FKBP11: variants seen among roughly 807,000 people sequenced by gnomAD.
FKBP11 encodes the protein peptidyl-prolyl cis-trans isomerase FKBP11.
In FKBP11, 21 loss-of-function variants were observed where a neutral mutation model predicts 24.7. The ratio of observed to expected loss-of-function variants is 0.85; its 90% confidence interval spans 0.60 to 1.23. FKBP11 has a LOEUF of 1.23. FKBP11 is among the 50% of genes most tolerant of loss of function. The pLI is 0.00. For synonymous variants in FKBP11, 106 were observed against 100.6 expected (o/e 1.05, Z -0.32); for missense variants, 245 against 248.7 (o/e 0.99, Z 0.10).
chr12:48,929,013 TG>T (rs1940016787), upstream of FKBP11, among the ~76,000 whole-genome samples: 1 of 141,494 alleles, frequency 7.1e-6, no homozygotes, highest in Non-Finnish European at 1.6e-5. Flanking sequence ...TTTTTTTTAG[TG>T]GAGACGGGGT....
upstream of FKBP11, among the ~76,000 whole-genome samples, chr12:48,929,455 A>C (rs12423542): frequency 0.33 from 49,466 of 151,826 alleles, 9,097 homozygotes; most frequent in Admixed American, 0.47. Context: ...AAAAATAATA[A>C]GCCCCTGATC....
chr12:48,938,567 GAAGGGCT>G, the FKBP11 span: 1 of 460,336 alleles, frequency 2.2e-6, no homozygotes, highest in East Asian at 6.8e-5. Flanking sequence ...ACAGGGAGTA[GAAGGGCT>G]TGTGGGGACA....
chr12:48,932,257 A>ATT, the FKBP11 span, among the ~76,000 whole-genome samples: 8 of 37,520 alleles, frequency 2.1e-4, no homozygotes, highest in African/African-American at 8.7e-4. Flanking sequence ...ATATATATAT[A>ATT]TATATTTTTT....
At chr12:48,924,877 A>T in intron 2 of FKBP11, 169 bp downstream of exon 2, 8 of 1,443,598 alleles carry the variant, frequency 5.5e-6, no homozygotes, top group Non-Finnish European at 7.2e-6. Flanking sequence ...GCAAGGAGGG[A>T]AAAGAGGCAC....
intron 2 of FKBP11, 106 bp downstream of exon 2, chr12:48,924,940 A>C: frequency 2.1e-6 from 3 of 1,454,240 alleles, no homozygotes; most frequent in Non-Finnish European, 1.8e-6. Context: ...CAGAGCCCCG[A>C]GTTTCTTCTC....
At chr12:48,934,700 T>C in the FKBP11 span, among the ~76,000 whole-genome samples, 1 of 152,186 alleles carries the variant, frequency 6.6e-6, no homozygotes, top group South Asian at 2.1e-4. Context: ...CTCTGAAAGA[T>C]ATCTATTTGC....
In FKBP11 at chr12:48,923,822, G is replaced by A; in HGVS notation, c.348C>T (p.His116=). The change falls in exon 5 of 6, where the codon CAC becomes CAT. Residue 116 remains histidine (H), a synonymous_variant. Transcript: ENST00000550765. ...GEKRRAIIPS[H]LAYGKRGFPP... is the part of the protein sequence containing the mutation. ...GAAATCCCCGTTTTCCATAGGCCAA[G>A]TGAGAAGGAATGATTGCCCTTCGCT... is the stretch of plus-strand genomic sequence containing the variant. The A allele has an allele frequency of 6.2e-7, 1 of 1,614,152 alleles. No individual in the cohort carries two copies. The highest frequency in any genetic ancestry group is 8.5e-7 in the Non-Finnish European group (1 of 1,180,014).
At chr12:48,938,593 A>G in the FKBP11 span, 1 of 457,572 alleles carries the variant, frequency 2.2e-6, no homozygotes, top group Non-Finnish European at 4.4e-6. Context: ...CAGGGAAAGG[A>G]CTCAGATGCC....
intron 5 of FKBP11, chr12:48,923,216 T>C: frequency 7.9e-7 from 1 of 1,268,988 alleles, no homozygotes. Flanking sequence ...AATAGAACAT[T>C]TGTTAGAACT....
At chr12:48,927,963 G>A (rs1940000881), upstream of FKBP11, among the ~76,000 whole-genome samples, 2 of 150,624 alleles carry the variant, frequency 1.3e-5, no homozygotes, top group African/African-American at 4.9e-5. Context: ...GTGCAGTAGT[G>A]AGAAGGGGGA....
chr12:48,938,371 C>T, the FKBP11 span: 1 of 454,212 alleles, frequency 2.2e-6, no homozygotes, highest in Non-Finnish European at 4.4e-6. Flanking sequence ...GGGCAGATGA[C>T]AGGCTCCAGT....
intron 5 of FKBP11, chr12:48,922,646 C>T (rs951297040): frequency 2.0e-6 from 2 of 994,330 alleles, no homozygotes; most frequent in Non-Finnish European, 2.4e-6. Flanking sequence ...TATGAGATAA[C>T]AGGAGTTTCA....
At chr12:48,925,164 C>A in intron 1 of FKBP11, 53 bp from the exon 2 acceptor site, 1 of 1,601,082 alleles carries the variant, frequency 6.2e-7, no homozygotes, top group Non-Finnish European at 8.5e-7. Flanking sequence ...CCCGTTCTCG[C>A]CCCTAGACCC....
intron 5 of FKBP11, chr12:48,922,773 T>G: frequency 1.0e-6 from 1 of 1,000,994 alleles, no homozygotes. Context: ...AATGGGGAGG[T>G]AATAGGGCTT....
At chr12:48,932,255 ATATATATTTTTTTTTTTTT>A in the FKBP11 span, among the ~76,000 whole-genome samples, 2 of 37,594 alleles carry the variant, frequency 5.3e-5, no homozygotes, top group African/African-American at 2.1e-4. Context: ...ATATATATAT[ATATATATTTTTTTTTTTTT>A]TTTTTTTTTT....
chr12:48,922,115 G>A lies in FKBP11; in HGVS notation c.475C>T (p.Leu159=), dbSNP rs1939850490. ...GCTGGCACCATGGCCATCCCTACCA[G>A]AGGCAAAATGCCCTTCACCAGCTTT... ...WLKLVKGILP[L]VGMAMVPALL... is the part of the protein sequence containing the mutation. Residue 159 remains leucine, a synonymous_variant, in exon 6 of 6, where the codon CTG becomes TTG. Transcript: ENST00000550765. 2 of 1,614,058 alleles carry A rather than the reference G, an allele frequency of 1.2e-6. No individual in the cohort carries two copies. The highest frequency in any genetic ancestry group is 1.7e-6 in the Non-Finnish European group (2 of 1,180,032).
upstream of FKBP11, among the ~76,000 whole-genome samples, chr12:48,927,740 G>A (rs1161725550): frequency 1.3e-5 from 2 of 152,148 alleles, no homozygotes; most frequent in Admixed American, 6.6e-5. Flanking sequence ...GAATGCAGAT[G>A]AGATGAATTA....
chr12:48,929,920 T>G (rs1430718507), upstream of FKBP11, among the ~76,000 whole-genome samples: 1 of 152,166 alleles, frequency 6.6e-6, no homozygotes, highest in East Asian at 1.9e-4. Flanking sequence ...GAAGTCCTGA[T>G]TCTCTTAGCT....
In FKBP11 at chr12:48,922,216, G is replaced by A. The variant is rs765206071; in HGVS notation, c.389-15C>T. The A allele has an allele frequency of 5.0e-6, 8 of 1,605,170 alleles. No homozygotes were observed. Among genetic ancestry groups the A allele is most frequent in the Non-Finnish European group, 6.0e-6 (7 of 1,173,306 alleles). ...CACTGCATCCGCTGGAGAGGCAGAG[G>A]GGTGGAGAGGGTTAGACTCTCTGCA... On this transcript the variant is annotated splice_polypyrimidine_tract_variant and intron_variant, in intron 5 of 5. Transcript: ENST00000550765.
Sources: allele counts gnomAD v4.1 joint callset (sites outside exome capture counted in the v4.1 genomes callset), GRCh38; gene constraint gnomAD v4.1.1; transcripts MANE v1.5; gene names NCBI Gene and HGNC (gene_info 2026-07-23, HGNC 2026-07-21).